Variants in ROBO1 observed in about 807,000 individuals in gnomAD.
The protein encoded by ROBO1 is roundabout homolog 1.
Under a neutral mutation model 195.9 loss-of-function variants are expected in ROBO1, and 149 were observed. That is an observed-to-expected ratio of 0.76 (90% CI 0.67 to 0.87). The LOEUF is 0.87. Ranked by LOEUF, ROBO1 falls within the 40% of genes least tolerant of loss-of-function variation. ROBO1 has a pLI of 0.00. For synonymous variants in ROBO1, 816 were observed against 733.2 expected (o/e 1.11, Z -1.82); for missense variants, 1,933 against 2,068.3 (o/e 0.93, Z 1.27).
At chr3:79,647,580 T>A (rs553425113) in intron 1 of ROBO1, among the ~76,000 whole-genome samples, 1 of 117,328 alleles carries the variant, frequency 8.5e-6, no homozygotes, top group South Asian at 2.9e-4. Context: ...ACTATCGGCA[T>A]CTTGTAAGTA....
intron 4 of ROBO1, among the ~76,000 whole-genome samples, chr3:78,772,903 G>A (rs1437486837): frequency 2.0e-5 from 3 of 152,020 alleles, no homozygotes; most frequent in African/African-American, 7.2e-5. Flanking sequence ...TCCATCCTAG[G>A]TTTGTCTGAT....
intron 4 of ROBO1, among the ~76,000 whole-genome samples, chr3:78,865,525 G>A (rs1254158067): frequency 6.8e-6 from 1 of 147,286 alleles, no homozygotes; most frequent in Admixed American, 6.8e-5. Context: ...AGGCTGGAGT[G>A]CAGTGGCACA....
chr3:78,885,940 T>TAC (rs1553756658), intron 4 of ROBO1, among the ~76,000 whole-genome samples: 14 of 140,806 alleles, frequency 9.9e-5, no homozygotes, highest in South Asian at 2.2e-4. Flanking sequence ...TATATATATA[T>TAC]ACATACATAT....
intron 3 of ROBO1, among the ~76,000 whole-genome samples, chr3:79,039,301 G>A (rs1316750798): frequency 1.3e-5 from 2 of 152,120 alleles, no homozygotes; most frequent in African/African-American, 4.8e-5. Context: ...TCTGGGGAAT[G>A]TATTTTCCCT....
chr3:79,379,113 C>T (rs1559857708), intron 2 of ROBO1, among the ~76,000 whole-genome samples: 1 of 130,390 alleles, frequency 7.7e-6, no homozygotes, highest in African/African-American at 2.5e-5. Flanking sequence ...TACACATGTA[C>T]ACTACACATG....
intron 3 of ROBO1, among the ~76,000 whole-genome samples, chr3:79,020,324 CA>C (rs1217542600): frequency 6.6e-6 from 1 of 152,196 alleles, no homozygotes; most frequent in Non-Finnish European, 1.5e-5. Context: ...AAAAAATACA[CA>C]AAGCAAAACA....
At chr3:79,226,629 C>T (rs186579970) in intron 2 of ROBO1, among the ~76,000 whole-genome samples, 1 of 151,676 alleles carries the variant, frequency 6.6e-6, no homozygotes, top group Admixed American at 6.6e-5. Context: ...CAGCCTTGAC[C>T]TCCTGGGCTC....
intron 4 of ROBO1, among the ~76,000 whole-genome samples, chr3:78,840,928 G>C (rs534003827): frequency 1.3e-4 from 19 of 151,918 alleles, no homozygotes; most frequent in African/African-American, 2.7e-4. Flanking sequence ...TGGGCGTGGT[G>C]GTGGGCGCCT....
At chr3:78,762,230 T>C (rs1362098190) in intron 4 of ROBO1, among the ~76,000 whole-genome samples, 1 of 152,012 alleles carries the variant, frequency 6.6e-6, no homozygotes, top group Non-Finnish European at 1.5e-5. Flanking sequence ...GACCTATGAT[T>C]TAATAGAGAT....
At chr3:78,669,855 GA>G (rs1707960709) in intron 11 of ROBO1, among the ~76,000 whole-genome samples, 1 of 152,092 alleles carries the variant, frequency 6.6e-6, no homozygotes, top group African/African-American at 2.4e-5. Context: ...TAGGTTCTTA[GA>G]AATCCTTTCT....
At chr3:78,935,982 C>T (rs1175832755) in intron 4 of ROBO1, among the ~76,000 whole-genome samples, 4 of 151,874 alleles carry the variant, frequency 2.6e-5, no homozygotes, top group African/African-American at 9.7e-5. Context: ...CAGTTTTTAA[C>T]TACACAGCAA....
intron 4 of ROBO1, among the ~76,000 whole-genome samples, chr3:78,808,793 T>C (rs1337529506): frequency 6.6e-6 from 1 of 152,122 alleles, no homozygotes; most frequent in Non-Finnish European, 1.5e-5. Context: ...TGGCAAGCCA[T>C]ATGCAGAAAA....
At chr3:78,854,123 G>A (rs1000797912) in intron 4 of ROBO1, among the ~76,000 whole-genome samples, 15 of 151,690 alleles carry the variant, frequency 9.9e-5, no homozygotes, top group South Asian at 4.2e-4. Flanking sequence ...GATTCAAGAC[G>A]GCAATATCCA....
intron 3 of ROBO1, chr3:79,018,628 T>A: frequency 6.9e-7 from 1 of 1,447,794 alleles, no homozygotes; most frequent in South Asian, 1.4e-5. Flanking sequence ...TTCCGGACGC[T>A]TGTCAGTATC....
intron 1 of ROBO1, among the ~76,000 whole-genome samples, chr3:79,652,343 T>C (rs1214406133): frequency 1.1e-5 from 1 of 91,580 alleles, no homozygotes; most frequent in African/African-American, 4.8e-5. Context: ...CCACACTTGT[T>C]AGCTTTCTAC....
At chr3:79,222,342 G>A (rs1474365243) in intron 2 of ROBO1, among the ~76,000 whole-genome samples, 1 of 151,970 alleles carries the variant, frequency 6.6e-6, no homozygotes, top group Non-Finnish European at 1.5e-5. Flanking sequence ...GGCAAATGAA[G>A]TTGCCTCTTA....
chr3:79,314,800 C>A lies in ROBO1; in HGVS notation c.89-189261G>T, dbSNP rs144112991. 5.1e-3 allele frequency among the ~76,000 whole-genome samples: 776 copies of A among 152,292 alleles called. 3 individuals are homozygous for A. Among genetic ancestry groups the A allele is most frequent in the Non-Finnish European group, 8.1e-3 (554 of 68,020 alleles). ...GTTTTAGTAGTGGTGACTGTCATAA[C>A]ACAAGGCAAGCAAGTAGGTATACAG... On this transcript the variant is annotated intron_variant, in intron 2 of 30. Transcript: ENST00000464233.
At chr3:79,726,776 G>A (rs1296753024) in intron 1 of ROBO1, among the ~76,000 whole-genome samples, 1 of 152,068 alleles carries the variant, frequency 6.6e-6, no homozygotes, top group Non-Finnish European at 1.5e-5. Context: ...TCGACATCTA[G>A]TCCTTTGAAA....
chr3:79,064,170 A>T (rs2108413876), intron 3 of ROBO1, among the ~76,000 whole-genome samples: 1 of 152,110 alleles, frequency 6.6e-6, no homozygotes, highest in South Asian at 2.1e-4. Context: ...TCTACAGTGT[A>T]TACATGTATT....
Sources: gnomAD v4.1 joint callset for allele counts (sites outside exome capture counted in the v4.1 genomes callset) on GRCh38, gnomAD v4.1.1 for gene constraint, MANE v1.5 for transcripts, NCBI Gene and HGNC (gene_info 2026-07-23, HGNC 2026-07-21) for gene names.